The following RMST variants were observed in gnomAD, a reference collection of about 807,000 sequenced individuals.
RMST encodes rhabdomyosarcoma 2 associated transcript.
chr12:97,479,269 A>C (rs140497890), intron 5 of RMST, among the ~76,000 whole-genome samples: 1,883 of 150,986 alleles, frequency 0.012, 15 homozygotes, highest in Non-Finnish European at 0.019. Context: ...CCTCCCAAGG[A>C]GCTAGGACTA....
At chr12:97,494,079 C>G (rs1204441749) in intron 8 of RMST, 1 of 152,136 alleles carries the variant, frequency 6.6e-6, no homozygotes, top group African/African-American at 2.4e-5. Flanking sequence ...AAAGTGGCTT[C>G]TGGAGCTCAT....
At chr12:97,489,315 C>T (rs1164536587) in intron 5 of RMST, among the ~76,000 whole-genome samples, 3 of 151,916 alleles carry the variant, frequency 2.0e-5, no homozygotes, top group Non-Finnish European at 2.9e-5. Flanking sequence ...GGCATGGTGT[C>T]GTGCACCTGT....
chr12:97,466,386 CT>C (rs1873189564), intron 5 of RMST, among the ~76,000 whole-genome samples: 1 of 152,204 alleles, frequency 6.6e-6, no homozygotes, highest in Admixed American at 6.5e-5. Context: ...TTCAAGTCCT[CT>C]TGAAGGTAAT....
intron 10 of RMST, among the ~76,000 whole-genome samples, chr12:97,506,396 A>G (rs985286781): frequency 2.0e-5 from 3 of 152,226 alleles, no homozygotes; most frequent in African/African-American, 7.2e-5. Flanking sequence ...TTAATATAAA[A>G]TACTTATTTA....
rs1321028225 is a variant in RMST, at chr12:97,508,400, G to T, written n.1340+12344G>T. ...CTCCCTCCTCCAAGATTAGAGGAAA[G>T]AAGCTAAGCATGATTGTCAACTGGT... On this transcript the variant is annotated intron_variant and non_coding_transcript_variant, in intron 10 of 13. Transcript: ENST00000640149. 3.3e-5 allele frequency among the ~76,000 whole-genome samples: 5 copies of T among 152,200 alleles called. No individual in the cohort carries two copies. The East Asian group carries it at 9.6e-4, about 29-fold the overall frequency.
intron 5 of RMST, among the ~76,000 whole-genome samples, chr12:97,467,547 G>A (rs911369320): frequency 2.0e-5 from 3 of 151,932 alleles, no homozygotes; most frequent in South Asian, 4.1e-4. Context: ...ATTTTTTAGA[G>A]AAGTAAAATT....
chr12:97,530,102 C>T (rs563128897), intron 10 of RMST, among the ~76,000 whole-genome samples: 137 of 152,160 alleles, frequency 9.0e-4, no homozygotes, highest in African/African-American at 3.1e-3. Flanking sequence ...TGGGCTACCT[C>T]GTTGTAAAGC....
intron 11 of RMST, among the ~76,000 whole-genome samples, chr12:97,559,491 C>T (rs1883960825): frequency 6.6e-6 from 1 of 151,932 alleles, no homozygotes; most frequent in South Asian, 2.1e-4. Context: ...TGTGGGATTC[C>T]CCCCACCCCT....
chr12:97,517,152 T>C (rs1592722910), intron 10 of RMST, among the ~76,000 whole-genome samples: 1 of 152,080 alleles, frequency 6.6e-6, no homozygotes, highest in Non-Finnish European at 1.5e-5. Context: ...TTTTGTAACA[T>C]AAAAGTCAAT....
At chr12:97,541,530 C>A (rs989328432) in intron 11 of RMST, among the ~76,000 whole-genome samples, 1 of 151,614 alleles carries the variant, frequency 6.6e-6, no homozygotes, top group Non-Finnish European at 1.5e-5. Flanking sequence ...TGACTCACTG[C>A]CTTCCTTCAA....
rs9331504 is a variant in RMST at position 97,561,629 on chromosome 12, C to CT, written n.1958+611dup. The stretch of plus-strand genomic sequence containing the variant: ...TTTCAGTGTGAAATTAGTTTGAAGG[C>CT]TTTTTTTTTTTTTTTTTTTTTTTTT... On this transcript the variant is annotated intron_variant and non_coding_transcript_variant, in intron 13 of 13. Coordinates refer to ENST00000640149, the Ensembl canonical transcript of RMST. Among the ~76,000 whole-genome samples, 88 of 56,688 alleles carry CT rather than the reference C, an allele frequency of 1.6e-3. 10 individuals carry two copies. Among genetic ancestry groups the CT allele is most frequent in the African/African-American group, 3.5e-3 (48 of 13,566 alleles). 37.2% of individuals were successfully genotyped at this position (56,688 alleles called of 152,430 possible).
intron 11 of RMST, among the ~76,000 whole-genome samples, chr12:97,552,709 T>A (rs930947821): frequency 1.3e-5 from 2 of 152,358 alleles, no homozygotes; most frequent in Non-Finnish European, 2.9e-5. Flanking sequence ...TTTGTTGTTG[T>A]TGTTGCTGTT....
chr12:97,470,365 C>T (rs721156), intron 5 of RMST, among the ~76,000 whole-genome samples: 6,552 of 151,920 alleles, frequency 0.043, 171 homozygotes, highest in Non-Finnish European at 0.064. Context: ...GAAGTAAGAG[C>T]CTCCACTGCC....
chr12:97,475,046 C>G (rs1046343712), intron 5 of RMST, among the ~76,000 whole-genome samples: 8 of 152,162 alleles, frequency 5.3e-5, no homozygotes, highest in Non-Finnish European at 8.8e-5. Context: ...AACTTCTTAG[C>G]TTTCATCTTG....
At chr12:97,554,095 C>T (rs1245020681) in intron 11 of RMST, among the ~76,000 whole-genome samples, 1 of 151,892 alleles carries the variant, frequency 6.6e-6, no homozygotes, top group Non-Finnish European at 1.5e-5. Context: ...GCTGGGATTA[C>T]AGGCATGTGC....
intron 10 of RMST, among the ~76,000 whole-genome samples, chr12:97,527,185 G>C (rs1881197406): frequency 6.6e-6 from 1 of 152,058 alleles, no homozygotes; most frequent in South Asian, 2.1e-4. Flanking sequence ...CTGTCACAAG[G>C]ACCAACGGAA....
chr12:97,515,979 A>T (rs1324444594), intron 10 of RMST, among the ~76,000 whole-genome samples: 1 of 151,946 alleles, frequency 6.6e-6, no homozygotes, highest in Non-Finnish European at 1.5e-5. Flanking sequence ...TCTCTTCTAT[A>T]AACTCTTTGT....
intron 5 of RMST, among the ~76,000 whole-genome samples, chr12:97,482,454 T>G (rs1875424253): frequency 6.6e-6 from 1 of 151,992 alleles, no homozygotes; most frequent in East Asian, 1.9e-4. Flanking sequence ...TTACTTCCAT[T>G]AGTAACTTTT....
chr12:97,511,338 G>A lies in RMST; in HGVS notation n.1340+15282G>A, dbSNP rs140673549. On this transcript the variant is annotated intron_variant and non_coding_transcript_variant, in intron 10 of 13. Transcript: ENST00000640149. The stretch of plus-strand genomic sequence containing the variant: ...TGATTTTTGTATTTTTAGTAGACAC[G>A]GGGTTTCACCATGTTGGCCAGGTTG... 9.3e-3 allele frequency among the ~76,000 whole-genome samples: 1,411 copies of A among 151,908 alleles called. 24 individuals are homozygous for A. Among genetic ancestry groups the A allele is most frequent in the African/African-American group, 0.032 (1,340 of 41,424 alleles).
Sources: allele counts gnomAD v4.1 joint callset (sites outside exome capture counted in the v4.1 genomes callset), GRCh38; gene constraint gnomAD v4.1.1; transcripts MANE v1.5; gene names NCBI Gene and HGNC (gene_info 2026-07-23, HGNC 2026-07-21).